The following KDM2B variants were observed in gnomAD, a reference collection of about 807,000 sequenced individuals.
The protein encoded by KDM2B is lysine demethylase 2B.
KDM2B carries 26 observed loss-of-function variants against 150.0 expected under a neutral mutation model. The observed-to-expected ratio is 0.17, with a 90% CI of 0.13 to 0.24. The LOEUF (loss-of-function observed/expected upper bound fraction) is 0.24, where lower values mean the gene tolerates loss of function less well. KDM2B is among the 10% of genes least tolerant of loss of function. The probability of loss-of-function intolerance (pLI) is 1.00; values close to 1 mark genes in which losing one functional copy is unlikely to be tolerated. For synonymous variants in KDM2B, 734 were observed against 729.5 expected (o/e 1.01, Z -0.10); for missense variants, 1,265 against 1,816.9 (o/e 0.70, Z 5.52).
intron 12 of KDM2B, among the ~76,000 whole-genome samples, chr12:121,476,820 T>G (rs1881438960): frequency 6.6e-6 from 1 of 152,170 alleles, no homozygotes; most frequent in South Asian, 2.1e-4. Context: ...CATAGATCCA[T>G]CAAGACACTC....
At chr12:121,448,441 A>G (rs1458078145) in intron 13 of KDM2B, among the ~76,000 whole-genome samples, 1 of 151,978 alleles carries the variant, frequency 6.6e-6, no homozygotes, top group East Asian at 1.9e-4. Flanking sequence ...TAGCCTACAT[A>G]AAAGAAAAGC....
At position 121,533,096 on chromosome 12, in the gene KDM2B, T is replaced by C. The variant is rs1555308112; in HGVS notation, c.778-137A>G. 1 of 811,472 alleles carries C rather than the reference T, an allele frequency of 1.2e-6. No homozygotes were observed. The highest frequency in any genetic ancestry group is 2.0e-6 in the Non-Finnish European group (1 of 511,766). The allele number at this position is 811,472 out of a possible 1,614,324, so 50.3% of individuals were successfully genotyped here. On this transcript the variant is annotated intron_variant, in intron 7 of 22. Transcript: ENST00000377071. This position sits in a 1 kb window ranked among gnomAD's most constrained non-coding sequence, Gnocchi z 4.1. Reference sequence around the variant, plus strand: ...GTGGGGGGTGTGGAGAGATGGCAGATCCATCCCTCTGGACTCTCTGCAAGG... The same window carrying C: ...GTGGGGGGTGTGGAGAGATGGCAGACCCATCCCTCTGGACTCTCTGCAAGG...
intron 11 of KDM2B, among the ~76,000 whole-genome samples, chr12:121,499,197 ACCT>A (rs1302757666): frequency 2.1e-5 from 3 of 142,234 alleles, no homozygotes; most frequent in Non-Finnish European, 3.0e-5. Flanking sequence ...TGCAGCCTCT[ACCT>A]CCCCAGTTCC....
intron 6 of KDM2B, among the ~76,000 whole-genome samples, chr12:121,539,410 C>T (rs927019802): frequency 2.7e-5 from 4 of 150,782 alleles, no homozygotes; most frequent in African/African-American, 9.8e-5. Flanking sequence ...TCCTGATGGC[C>T]GGACCAGGCT....
At chr12:121,461,816 G>T (rs1879158273) in intron 12 of KDM2B, among the ~76,000 whole-genome samples, 1 of 152,152 alleles carries the variant, frequency 6.6e-6, no homozygotes, top group South Asian at 2.1e-4. Flanking sequence ...GATGTCCAGG[G>T]GGAATGGAAG....
chr12:121,572,592 G>A (rs782761585), intron 4 of KDM2B, among the ~76,000 whole-genome samples: 9 of 152,086 alleles, frequency 5.9e-5, no homozygotes, highest in South Asian at 2.1e-4. Flanking sequence ...GCCCCACCAC[G>A]TGCCATGCCA....
In KDM2B at chr12:121,452,588, T is replaced by C. The variant is rs1414055875; in HGVS notation, c.1959+532A>G. Among the ~76,000 whole-genome samples the C allele has an allele frequency of 1.3e-5, 2 of 152,240 alleles. No homozygotes were observed. The highest frequency in any genetic ancestry group is 4.8e-5 in the African/African-American group (2 of 41,466). ...GAATTCAAGGGCAAACCCCGCGACC[T>C]CGCCCCGTTGCGAAGTCCATGTCCA... On this transcript the variant is annotated intron_variant, in intron 13 of 22. Coordinates refer to ENST00000377071, the MANE Select transcript of KDM2B (RefSeq NM_032590.5). The surrounding 1 kb of genome is among the most constrained non-coding windows in gnomAD (Gnocchi z 4.4).
chr12:121,487,593 C>T (rs530054993), intron 12 of KDM2B, among the ~76,000 whole-genome samples: 4 of 152,260 alleles, frequency 2.6e-5, no homozygotes, highest in African/African-American at 4.8e-5. Context: ...TTCACCAGAC[C>T]CGTCGTGCCC....
intron 6 of KDM2B, among the ~76,000 whole-genome samples, chr12:121,548,327 C>T (rs1889226175): frequency 6.6e-6 from 1 of 152,170 alleles, no homozygotes; most frequent in Non-Finnish European, 1.5e-5. Flanking sequence ...TGTCAGCCTC[C>T]TGCTCAGAGG....
At chr12:121,496,523 G>T (rs1883957903) in intron 11 of KDM2B, among the ~76,000 whole-genome samples, 1 of 145,826 alleles carries the variant, frequency 6.9e-6, no homozygotes, top group Non-Finnish European at 1.5e-5. Context: ...TTGAGACAGG[G>T]TGTGACTGTC....
At position 121,468,688 on chromosome 12, in the gene KDM2B, G is replaced by C. The variant is rs563829577; in HGVS notation, c.1735-15344C>G. The C allele has an allele frequency of 8.5e-5, 13 of 152,354 alleles. No individual in the cohort carries two copies. Among genetic ancestry groups the C allele is most frequent in the African/African-American group, 2.9e-4 (12 of 41,580 alleles). 9.4% of individuals were successfully genotyped at this position (152,354 alleles called of 1,614,324 possible). A position where few individuals can be genotyped will look rare whatever the true frequency, so the allele number is the denominator to read the frequency against. ...GAGAACAGAAGGGATGGGCAGGCTG[G>C]TCCTGGCCTGGCCTTTCAAAGAAGG... On this transcript the variant is annotated intron_variant, in intron 12 of 22. Coordinates refer to ENST00000377071, the MANE Select transcript of KDM2B (RefSeq NM_032590.5). The surrounding 1 kb of genome is among the most constrained non-coding windows in gnomAD (Gnocchi z 4.0).
intron 10 of KDM2B, among the ~76,000 whole-genome samples, chr12:121,512,353 C>A (rs1484702584): frequency 1.3e-5 from 2 of 151,996 alleles, no homozygotes; most frequent in African/African-American, 2.4e-5. Context: ...CATCATACGC[C>A]CAGCCTGGAA....
chr12:121,532,045 T>A (rs1208191933), intron 8 of KDM2B, among the ~76,000 whole-genome samples: 1 of 151,720 alleles, frequency 6.6e-6, no homozygotes, highest in Non-Finnish European at 1.5e-5. Flanking sequence ...TGCTTGAACC[T>A]GGGAGGTGAA....
intron 10 of KDM2B, among the ~76,000 whole-genome samples, chr12:121,511,143 T>C (rs1885549231): frequency 6.6e-6 from 1 of 151,792 alleles, no homozygotes; most frequent in Non-Finnish European, 1.5e-5. Context: ...CCCGAGTAGC[T>C]GAGATTACAG....
rs1877516029 is a variant in KDM2B at position 121,452,742 on chromosome 12, G to T, written c.1959+378C>A. 6.6e-6 allele frequency among the ~76,000 whole-genome samples: 1 copy of T among 152,180 alleles called. No individual in the cohort carries two copies. The highest frequency in any genetic ancestry group is 1.5e-5 in the Non-Finnish European group (1 of 68,028). On this transcript the variant is annotated intron_variant, in intron 13 of 22. Coordinates refer to ENST00000377071, the MANE Select transcript of KDM2B (RefSeq NM_032590.5). The surrounding 1 kb of genome is among the most constrained non-coding windows in gnomAD (Gnocchi z 4.4). ...TACCATAAATCACTCCTTGTTGGGG[G>T]CAGCCCCCTGAGATGGGGCGCTGAC...
intron 14 of KDM2B, 165 bp downstream of exon 14, chr12:121,445,110 G>C (rs1388812224): frequency 2.8e-6 from 2 of 718,224 alleles, no homozygotes; most frequent in African/African-American, 3.6e-5. Flanking sequence ...AGGTACTCCA[G>C]GCCCTCCTTG....
In KDM2B at chr12:121,483,701, A is replaced by C. The variant is rs1356605490; in HGVS notation, c.1734+10878T>G. ...CAGAAAAAAAACAAAAACAACAAAA[A>C]AAACAAACAACAACAACACACACAC... is the stretch of plus-strand genomic sequence containing the variant. On this transcript the variant is annotated intron_variant, in intron 12 of 22. Transcript: ENST00000377071. 2.3e-5 allele frequency among the ~76,000 whole-genome samples: 3 copies of C among 132,714 alleles called. No homozygotes were observed. The South Asian group carries it at 7.4e-4, about 33-fold the overall frequency. The allele number at this position is 132,714 out of a possible 152,430, so 87.1% of individuals were successfully genotyped here.
chr12:121,429,919 C>A lies in KDM2B; in HGVS notation c.*369G>T. The A allele has an allele frequency of 1.6e-6, 1 of 618,032 alleles. No individual in the cohort carries two copies. The highest frequency in any genetic ancestry group is 2.9e-5 in the Admixed American group (1 of 34,396). The allele number at this position is 618,032 out of a possible 1,614,324, so 38.3% of individuals were successfully genotyped here. On this transcript the variant is annotated 3_prime_UTR_variant, in exon 23 of 23. Coordinates refer to ENST00000377071, the MANE Select transcript of KDM2B (RefSeq NM_032590.5). ...GTCCACTTTATGTCAACACCCAAAA[C>A]CTCGGTGTTGCAAGGAATGAAGTGT...
chr12:121,572,986 C>T (rs1212162113), intron 4 of KDM2B, among the ~76,000 whole-genome samples: 7 of 151,922 alleles, frequency 4.6e-5, no homozygotes, highest in South Asian at 4.2e-4. Context: ...CCACTACGCC[C>T]GGCTAATTTT....
Sources: gnomAD v4.1 joint callset for allele counts (sites outside exome capture counted in the v4.1 genomes callset) on GRCh38, gnomAD v4.1.1 for gene constraint, Gnocchi (gnomAD v3.1) non-coding constraint, MANE v1.5 for transcripts, NCBI Gene and HGNC (gene_info 2026-07-23, HGNC 2026-07-21) for gene names.